ME3: variants seen among roughly 807,000 people sequenced by gnomAD.
The protein encoded by ME3 is malic enzyme 3.
In ME3, 48 loss-of-function variants were observed where a neutral mutation model predicts 68.9. The ratio of observed to expected loss-of-function variants is 0.70; its 90% CI spans 0.55 to 0.89. The LOEUF (loss-of-function observed/expected upper bound fraction) is 0.89. Ranked by LOEUF, ME3 falls within the 40% of genes least tolerant of loss-of-function variation. ME3 has a pLI of 0.00. For synonymous variants in ME3, 320 were observed against 318.8 expected, an observed-to-expected ratio of 1.00 and a Z score of -0.04; for missense variants, 675 against 797.4, an observed-to-expected ratio of 0.85 and a Z score of 1.85.
intron 4 of ME3, among the ~76,000 whole-genome samples, chr11:86,542,472 G>A (rs945013874): frequency 6.6e-6 from 1 of 152,084 alleles, no homozygotes; most frequent in Non-Finnish European, 1.5e-5. Context: ...TGACCTGATG[G>A]ACCTGAAACA....
At chr11:86,562,419 G>A (rs1957280289) in intron 2 of ME3, among the ~76,000 whole-genome samples, 2 of 152,120 alleles carry the variant, frequency 1.3e-5, no homozygotes, top group African/African-American at 2.4e-5. Flanking sequence ...GAGTGCAACT[G>A]CTGGATCATA....
chr11:86,498,264 G>A (rs1952494198), intron 5 of ME3, 140 bp from the exon 6 acceptor site: 3 of 1,011,500 alleles, frequency 3.0e-6, no homozygotes, highest in Middle Eastern at 2.5e-4. Flanking sequence ...CTGGGATAAG[G>A]CCGGAGCATT....
chr11:86,589,318 G>A (rs1958920596), intron 2 of ME3, among the ~76,000 whole-genome samples: 1 of 152,056 alleles, frequency 6.6e-6, no homozygotes. Context: ...CTGGCTTGTA[G>A]TAGGAGCTAA....
rs1461970400 is a variant in ME3 at position 86,659,635 on chromosome 11, G to A, written c.183+12127C>T. Among the ~76,000 whole-genome samples, 3 of 152,168 alleles carry A rather than the reference G, an allele frequency of 2.0e-5. No individual in the cohort carries two copies. The East Asian group carries it at 5.8e-4, about 29-fold the overall frequency. Reference sequence around the variant, plus strand: ...AACTACCCGTGGCAGTGTGGATGGAGACTATCTTAAAACTTCCTGCCCCGT... The same window carrying A: ...AACTACCCGTGGCAGTGTGGATGGAAACTATCTTAAAACTTCCTGCCCCGT... On this transcript the variant is annotated intron_variant, in intron 2 of 14. Coordinates refer to ENST00000543262, the Ensembl canonical transcript of ME3.
intron 2 of ME3, among the ~76,000 whole-genome samples, chr11:86,662,317 A>G (rs1946334101): frequency 6.6e-6 from 1 of 152,244 alleles, no homozygotes; most frequent in Non-Finnish European, 1.5e-5. Context: ...CGGTTTTCTC[A>G]TCTGTCATAT....
chr11:86,535,036 G>C (rs1369307962), intron 4 of ME3, among the ~76,000 whole-genome samples: 1 of 152,118 alleles, frequency 6.6e-6, no homozygotes, highest in Non-Finnish European at 1.5e-5. Context: ...ACTGGCCTAG[G>C]TAGAGGTTTA....
chr11:86,606,604 T>C (rs1961689217), intron 2 of ME3, among the ~76,000 whole-genome samples: 1 of 152,208 alleles, frequency 6.6e-6, no homozygotes, highest in African/African-American at 2.4e-5. Flanking sequence ...GTGAGTGATG[T>C]TCACCAGATG....
chr11:86,435,812 A>G, the ME3 span: 2 of 152,386 alleles, frequency 1.3e-5, no homozygotes, highest in Non-Finnish European at 2.9e-5. Flanking sequence ...TGGGATGGCT[A>G]TTTAGAGATG....
At chr11:86,659,413 A>G (rs569219429) in intron 2 of ME3, among the ~76,000 whole-genome samples, 1 of 152,302 alleles carries the variant, frequency 6.6e-6, no homozygotes, top group Admixed American at 6.5e-5. Flanking sequence ...CCCCTTCACC[A>G]CTTACTTCCT....
At chr11:86,619,800 A>T (rs1022358452) in intron 2 of ME3, among the ~76,000 whole-genome samples, 2 of 152,220 alleles carry the variant, frequency 1.3e-5, no homozygotes, top group Non-Finnish European at 2.9e-5. Context: ...TGTCAACATG[A>T]TACCTTTTAG....
chr11:86,453,533 C>T (rs80172229), intron 8 of ME3, among the ~76,000 whole-genome samples: 130 of 152,284 alleles, frequency 8.5e-4, no homozygotes, highest in Non-Finnish European at 1.3e-3. Flanking sequence ...GCTTCCCCCC[C>T]ACCACCCCAG....
intron 4 of ME3, among the ~76,000 whole-genome samples, chr11:86,537,878 G>A (rs1385028532): frequency 3.9e-5 from 6 of 152,186 alleles, no homozygotes; most frequent in Non-Finnish European, 8.8e-5. Flanking sequence ...ACTTAAGGGG[G>A]CATCTTGGGA....
rs564442963 is a variant in ME3, at chr11:86,517,586, T to G, written c.468-8719A>C. Reference sequence around the variant, plus strand: ...AAGTAGAAGTGAGGGAACCCCCTTTTTGAGGGACTTTGCACTGCTTTTCAT... The same window carrying G: ...AAGTAGAAGTGAGGGAACCCCCTTTGTGAGGGACTTTGCACTGCTTTTCAT... On this transcript the variant is annotated intron_variant, in intron 4 of 14. Coordinates refer to ENST00000543262, the Ensembl canonical transcript of ME3. 1.4e-4 allele frequency among the ~76,000 whole-genome samples: 22 copies of G among 152,296 alleles called. No individual in the cohort carries two copies. In the South Asian group the frequency reaches 3.5e-3, roughly 24 times the overall value.
At chr11:86,506,893 A>C (rs1008754435) in intron 5 of ME3, among the ~76,000 whole-genome samples, 1 of 152,238 alleles carries the variant, frequency 6.6e-6, no homozygotes, top group African/African-American at 2.4e-5. Flanking sequence ...CATGCTAGAC[A>C]TGCTGTGGAA....
At chr11:86,457,856 G>C (rs1375286938) in intron 8 of ME3, 5 of 1,158,694 alleles carry the variant, frequency 4.3e-6, no homozygotes, top group Non-Finnish European at 5.5e-6. Flanking sequence ...GTAGCTTCAG[G>C]AAATAGCACA....
At chr11:86,469,452 A>G (rs968906744) in intron 7 of ME3, among the ~76,000 whole-genome samples, 6 of 152,196 alleles carry the variant, frequency 3.9e-5, no homozygotes, top group Admixed American at 3.3e-4. Context: ...ATACTGTGGA[A>G]CAGAGGCAGG....
At chr11:86,483,518 A>T (rs1594131981) in intron 7 of ME3, among the ~76,000 whole-genome samples, 1 of 152,088 alleles carries the variant, frequency 6.6e-6, no homozygotes, top group Middle Eastern at 3.4e-3. Flanking sequence ...TGTGTGTGTG[A>T]TTATGGTGAG....
chr11:86,650,840 C>T (rs941159115), intron 2 of ME3, among the ~76,000 whole-genome samples: 2 of 152,168 alleles, frequency 1.3e-5, no homozygotes, highest in Admixed American at 1.3e-4. Flanking sequence ...AATTCCCTCT[C>T]CTAGCCAAGG....
chr11:86,448,194 G>A, exon 11 of ME3: 1 of 1,614,124 alleles, frequency 6.2e-7, no homozygotes, highest in Non-Finnish European at 8.5e-7. Flanking sequence ...CTCCTCCAGG[G>A]AGTTGACTTC....
Sources: gnomAD v4.1 joint callset for allele counts (sites outside exome capture counted in the v4.1 genomes callset) on GRCh38, gnomAD v4.1.1 for gene constraint, MANE v1.5 for transcripts, NCBI Gene and HGNC (gene_info 2026-07-23, HGNC 2026-07-21) for gene names.